FSAF1: variants seen among roughly 807,000 people sequenced by gnomAD.
FSAF1 encodes 40S small subunit processome assembly factor 1.
At chr1:231,239,162 T>G in the FSAF1 span, 1 of 1,586,346 alleles carries the variant, frequency 6.3e-7, no homozygotes, top group Non-Finnish European at 8.6e-7. Context: ...ATGATCTTCT[T>G]CTGTTCTGTT....
chr1:231,238,897 T>C, the FSAF1 span: 55 of 1,614,012 alleles, frequency 3.4e-5, no homozygotes, highest in East Asian at 1.1e-3. Flanking sequence ...TTTTCTTTTT[T>C]TATTGCTGTG....
the FSAF1 span, chr1:231,226,661 G>C: frequency 2.3e-6 from 3 of 1,308,494 alleles, no homozygotes; most frequent in Non-Finnish European, 2.2e-6. Context: ...TCCAAGCAGC[G>C]GCTTCCGGCA....
At chr1:231,226,794 A>G in the FSAF1 span, 1 of 1,610,578 alleles carries the variant, frequency 6.2e-7, no homozygotes, top group South Asian at 1.1e-5. Context: ...CTCCTGTAAA[A>G]CCTTGTAATT....
the FSAF1 span, among the ~76,000 whole-genome samples, chr1:231,233,678 G>A: frequency 6.6e-6 from 1 of 151,990 alleles, no homozygotes; most frequent in Non-Finnish European, 1.5e-5. Context: ...TCAGCCTCCT[G>A]AGTAGCTGGA....
At chr1:231,240,737 C>G in the FSAF1 span, among the ~76,000 whole-genome samples, 5 of 152,014 alleles carry the variant, frequency 3.3e-5, no homozygotes, top group African/African-American at 1.2e-4. This position sits in a 1 kb window ranked among gnomAD's most constrained non-coding sequence, Gnocchi z 4.1. Flanking sequence ...CGTGGAAAAG[C>G]GGGCTACTTT....
chr1:231,228,647 T>C, the FSAF1 span, among the ~76,000 whole-genome samples: 15 of 152,144 alleles, frequency 9.9e-5, no homozygotes, highest in East Asian at 2.5e-3. Context: ...TTAACCATTT[T>C]CCCAACTTTT....
the FSAF1 span, among the ~76,000 whole-genome samples, chr1:231,230,797 G>A: frequency 6.6e-6 from 1 of 152,184 alleles, no homozygotes; most frequent in Non-Finnish European, 1.5e-5. Context: ...CAGATGATGA[G>A]GAACTCTGCA....
the FSAF1 span, among the ~76,000 whole-genome samples, chr1:231,232,675 G>A: frequency 6.6e-6 from 1 of 152,192 alleles, no homozygotes; most frequent in Non-Finnish European, 1.5e-5. Context: ...TGGAGATTCT[G>A]AGAACTTATA....
chr1:231,229,919 G>T, the FSAF1 span, among the ~76,000 whole-genome samples: 2 of 152,112 alleles, frequency 1.3e-5, no homozygotes, highest in African/African-American at 4.8e-5. Flanking sequence ...AAGATGGATG[G>T]TAATGAGGGT....
At chr1:231,226,934 C>A in the FSAF1 span, 1 of 1,610,808 alleles carries the variant, frequency 6.2e-7, no homozygotes, top group Non-Finnish European at 8.5e-7. Flanking sequence ...GCTTTTTTTG[C>A]ATGTTGTCTA....
chr1:231,226,688 A>G, the FSAF1 span: 3 of 1,486,480 alleles, frequency 2.0e-6, no homozygotes, highest in South Asian at 3.4e-5. Context: ...TGTGGCAAAG[A>G]GCATCCATCT....
the FSAF1 span, chr1:231,236,641 G>T: frequency 6.6e-6 from 1 of 152,106 alleles, no homozygotes; most frequent in South Asian, 2.1e-4. Context: ...CCAGAAAAAA[G>T]AACATGAGGG....
At chr1:231,228,598 C>CA in the FSAF1 span, among the ~76,000 whole-genome samples, 9,038 of 102,816 alleles carry the variant, frequency 0.088, 413 homozygotes, top group Middle Eastern at 0.15. Context: ...GACTCTGCCT[C>CA]AAAAAAAAAA....
chr1:231,240,925 T>C, the FSAF1 span: 15 of 1,052,794 alleles, frequency 1.4e-5, no homozygotes, highest in East Asian at 2.6e-4. This position sits in a 1 kb window ranked among gnomAD's most constrained non-coding sequence, Gnocchi z 4.1. Flanking sequence ...TGCAAGAACC[T>C]TTAGCCTCAA....
the FSAF1 span, chr1:231,224,116 A>ACTT: frequency 2.0e-5 from 16 of 789,862 alleles, no homozygotes; most frequent in African/African-American, 2.8e-4. Context: ...TGAAGCAGAC[A>ACTT]CTTCGGCAAC....
chr1:231,241,128 G>GA, the FSAF1 span: 4 of 1,612,514 alleles, frequency 2.5e-6, no homozygotes, highest in Non-Finnish European at 2.5e-6. Context: ...GTCAGCCGAG[G>GA]AATCAACCCT....
the FSAF1 span, among the ~76,000 whole-genome samples, chr1:231,231,672 G>T: frequency 6.6e-6 from 1 of 152,172 alleles, no homozygotes; most frequent in Non-Finnish European, 1.5e-5. Flanking sequence ...TTTCAGCACA[G>T]TAATAAAATT....
At chr1:231,234,001 T>C in the FSAF1 span, among the ~76,000 whole-genome samples, 6,667 of 152,334 alleles carry the variant, frequency 0.044, 181 homozygotes, top group African/African-American at 0.062. This position sits in a 1 kb window ranked among gnomAD's most constrained non-coding sequence, Gnocchi z 4.0. Flanking sequence ...AATGTTTAAC[T>C]ACAGGCAAGT....
chr1:231,236,132 A>C, the FSAF1 span, among the ~76,000 whole-genome samples: 1 of 152,192 alleles, frequency 6.6e-6, no homozygotes, highest in Non-Finnish European at 1.5e-5. Context: ...GCACAACTAT[A>C]CTTTCCCATG....
Sources: allele counts gnomAD v4.1 joint callset (sites outside exome capture counted in the v4.1 genomes callset), GRCh38; gene constraint gnomAD v4.1.1; non-coding constraint Gnocchi (gnomAD v3.1); transcripts MANE v1.5; gene names NCBI Gene and HGNC (gene_info 2026-07-23, HGNC 2026-07-21).